The following CXorf65 variants were observed in gnomAD, a reference collection of about 807,000 sequenced individuals.
CXorf65 encodes uncharacterized protein CXorf65.
For synonymous variants in CXorf65, 54 were observed against 51.4 expected, an observed-to-expected ratio of 1.05 and a Z score of -0.21; for missense variants, 137 against 144.7, an observed-to-expected ratio of 0.95 and a Z score of 0.27.
chrX:71,106,267 G>T (rs1384160929), intron 2 of CXorf65, 73 bp downstream of exon 2: 1 of 1,090,281 alleles, frequency 9.2e-7, no homozygotes. Context: ...TTGCCAGGAG[G>T]AGGGCTTGGG....
At chrX:71,105,087 C>A (rs758696221) in intron 3 of CXorf65, among the ~76,000 whole-genome samples, 1 of 109,584 alleles carries the variant, frequency 9.1e-6, no homozygotes, top group African/African-American at 3.3e-5. Flanking sequence ...TACAAACAAA[C>A]AAAAAAAATT....
At chrX:71,104,662 T>C in intron 4 of CXorf65, 107 bp downstream of exon 4, 1 of 812,587 alleles carries the variant, frequency 1.2e-6, no homozygotes, top group Non-Finnish European at 1.8e-6. Context: ...TTTCCTAGGC[T>C]CCTATCATCT....
At chrX:71,104,510 A>G (rs1420387715) in intron 4 of CXorf65, 106 bp from the exon 5 acceptor site, 3 of 582,005 alleles carry the variant, frequency 5.2e-6, no homozygotes, top group Non-Finnish European at 5.3e-6. Flanking sequence ...CACTTGGCCT[A>G]AGATGGAAAT....
Position 71,106,145 on chromosome X carries a change from G to T in CXorf65, c.113-8C>A. 1 of 1,209,226 alleles carries T rather than the reference G, an allele frequency of 8.3e-7. No homozygotes were observed. The highest frequency in any genetic ancestry group is 1.7e-5 in the African/African-American group (1 of 57,660). On this transcript the variant is annotated splice_polypyrimidine_tract_variant and splice_region_variant and intron_variant, in intron 2 of 5. Transcript: ENST00000374251. Reference sequence around the variant, plus strand: ...CACACAAATCGATGGTGTCTGGAGGGAGATCACAGGGTAATTGGGGCAGCT... The same window carrying T: ...CACACAAATCGATGGTGTCTGGAGGTAGATCACAGGGTAATTGGGGCAGCT...
rs1239422605 is a variant in CXorf65 at position 71,103,993 on chromosome X, C to G, written c.546G>C (p.Lys182Asn). 1 of 1,206,685 alleles carries G rather than the reference C, an allele frequency of 8.3e-7. No individual in the cohort carries two copies. Among genetic ancestry groups the G allele is most frequent in the African/African-American group, 1.8e-5 (1 of 56,579 alleles). Residue 182 changes from lysine (K) to asparagine (N), a missense_variant, in exon 6 of 6, where the codon AAG (lysine) becomes AAC (asparagine). Coordinates refer to ENST00000374251, the MANE Select transcript of CXorf65 (RefSeq NM_001025265.3). Reference sequence around the variant, plus strand: ...AGTAATTTCACACCTAGTATTACTTCTTTTGCTTGGTGGTTTTATTGAGTT... The same window carrying G: ...AGTAATTTCACACCTAGTATTACTTGTTTTGCTTGGTGGTTTTATTGAGTT... ...GRQLNKTTKQ[K>N]K
At position 71,106,152 on chromosome X, in the gene CXorf65, C is replaced by G. The variant is rs1435288841; in HGVS notation, c.113-15G>C. 1 of 1,208,056 alleles carries G rather than the reference C, an allele frequency of 8.3e-7. No homozygotes were observed. The highest frequency in any genetic ancestry group is 3.0e-5 in the East Asian group (1 of 33,806). ...ATCGATGGTGTCTGGAGGGAGATCACAGGGTAATTGGGGCAGCTAAGGAAA... is the reference window on the plus strand; with the variant it reads ...ATCGATGGTGTCTGGAGGGAGATCAGAGGGTAATTGGGGCAGCTAAGGAAA... On this transcript the variant is annotated splice_polypyrimidine_tract_variant and intron_variant, in intron 2 of 5. Coordinates refer to ENST00000374251, the MANE Select transcript of CXorf65 (RefSeq NM_001025265.3).
chrX:71,104,000 T>C lies in CXorf65; in HGVS notation c.539A>G (p.Lys180Arg). 8.3e-7 allele frequency: 1 copy of C among 1,209,621 alleles called. No individual in the cohort carries two copies. The highest frequency in any genetic ancestry group is 1.1e-6 in the Non-Finnish European group (1 of 894,229). Residue 180 changes from lysine to arginine, a missense_variant, in exon 6 of 6, where the codon AAG becomes AGG. Coordinates refer to ENST00000374251, the MANE Select transcript of CXorf65 (RefSeq NM_001025265.3). ...TCACACCTAGTATTACTTCTTTTGC[T>C]TGGTGGTTTTATTGAGTTGGCGACC... ...NKGRQLNKTT[K>R]QKK
Position 71,106,740 on chromosome X carries a change from T to G in CXorf65, c.-184A>C. On this transcript the variant is annotated 5_prime_UTR_variant, in exon 1 of 6. Transcript: ENST00000374251. ...GGAGAGAGCTGTTGATAGTTGTGGA[T>G]AACCAGTATCCCCAGGGGTGGGGCC... is the stretch of plus-strand genomic sequence containing the variant. The G allele has an allele frequency of 9.3e-7, 1 of 1,079,398 alleles. No homozygotes were observed. Among genetic ancestry groups the G allele is most frequent in the Non-Finnish European group, 1.2e-6 (1 of 821,767 alleles). The allele number at this position is 1,079,398 out of a possible 1,213,427, so 89.0% of individuals were successfully genotyped here. A position where few individuals can be genotyped will look rare whatever the true frequency, so the allele number is the denominator to read the frequency against.
Position 71,104,857 on chromosome X carries a change from C to T in CXorf65, c.251-20G>A, listed in dbSNP as rs1569479411. ...TGGTTCCTGTGAACATAGCCATGTG[C>T]TATCTCCAGCCCCTGTCATCCAGTC... is the stretch of plus-strand genomic sequence containing the variant. On this transcript the variant is annotated intron_variant, in intron 3 of 5. Transcript: ENST00000374251. 12 of 1,189,126 alleles carry T rather than the reference C, an allele frequency of 1.0e-5. No homozygotes were observed. In the Admixed American group the frequency reaches 2.6e-4, roughly 26 times the overall value.
intron 3 of CXorf65, 35 bp downstream of exon 3, chrX:71,105,965 T>C: frequency 8.4e-7 from 1 of 1,193,600 alleles, no homozygotes; most frequent in Non-Finnish European, 1.1e-6. Context: ...TTGAAGGCCT[T>C]ATTCTATTTC....
intron 3 of CXorf65, 47 bp from the exon 4 acceptor site, chrX:71,104,884 C>T: frequency 8.9e-7 from 1 of 1,122,848 alleles, no homozygotes; most frequent in Non-Finnish European, 1.2e-6. Context: ...CATCCAGTCT[C>T]CACCCTTCAG....
At position 71,103,953 on chromosome X, in the gene CXorf65, C is replaced by CTCACGTTAAATTCCAGTAATT. The variant is rs748536982; in HGVS notation, c.*13_*33dup. On this transcript the variant is annotated 3_prime_UTR_variant, in exon 6 of 6. Coordinates refer to ENST00000374251, the MANE Select transcript of CXorf65 (RefSeq NM_001025265.3). The stretch of plus-strand genomic sequence containing the variant: ...AAGGAGTCTTTCTAGAAAAAGAAAT[C>CTCACGTTAAATTCCAGTAATT]TCACGTTAAATTCCAGTAATTTCAC... 1.4e-5 allele frequency: 17 copies of CTCACGTTAAATTCCAGTAATT among 1,196,112 alleles called. No homozygotes were observed. In the South Asian group the frequency reaches 3.0e-4, roughly 21 times the overall value.
At chrX:71,106,259 G>T (rs2092248636) in intron 2 of CXorf65, 81 bp downstream of exon 2, 3 of 1,089,829 alleles carry the variant, frequency 2.8e-6, no homozygotes, top group Admixed American at 4.4e-5. Flanking sequence ...CTCCCTTCTT[G>T]CCAGGAGGAG....
chrX:71,104,951 C>A, intron 3 of CXorf65, 114 bp from the exon 4 acceptor site: 1 of 653,393 alleles, frequency 1.5e-6, no homozygotes, highest in Non-Finnish European at 2.4e-6. Context: ...CGGTGGCTCA[C>A]GCCTGTAATC....
chrX:71,105,237 C>T (rs1253216882), intron 3 of CXorf65, among the ~76,000 whole-genome samples: 1 of 107,662 alleles, frequency 9.3e-6, no homozygotes, highest in African/African-American at 3.4e-5. Context: ...AGCAAGACTC[C>T]ATCACAAAAA....
At chrX:71,106,209 A>C (rs760861413) in intron 2 of CXorf65, 72 bp from the exon 3 acceptor site, 36 of 1,141,178 alleles carry the variant, frequency 3.2e-5, no homozygotes, top group Non-Finnish European at 4.3e-5. Flanking sequence ...CAGTGATCCT[A>C]TACAAAATGG....
In CXorf65 at chrX:71,106,568, C is replaced by G; in HGVS notation, c.-12G>C. On this transcript the variant is annotated 5_prime_UTR_variant, in exon 1 of 6. Transcript: ENST00000374251. ...ATGAAGATGAACATGCCCTCAAGAT[C>G]GCCTCACTCTTCACAAAGTGCCCTG... 8.3e-7 allele frequency: 1 copy of G among 1,210,894 alleles called. No homozygotes were observed. The highest frequency in any genetic ancestry group is 1.1e-6 in the Non-Finnish European group (1 of 895,406).
At chrX:71,106,253 C>T in intron 2 of CXorf65, 87 bp downstream of exon 2, 1 of 1,103,630 alleles carries the variant, frequency 9.1e-7, no homozygotes, top group Non-Finnish European at 1.3e-6. Flanking sequence ...GAGGAACTCC[C>T]TTCTTGCCAG....
intron 3 of CXorf65, 37 bp from the exon 4 acceptor site, chrX:71,104,874 C>T: frequency 8.8e-7 from 1 of 1,141,112 alleles, no homozygotes; most frequent in Non-Finnish European, 1.2e-6. Context: ...CAGCCCCTGT[C>T]ATCCAGTCTC....
Sources: allele counts gnomAD v4.1 joint callset (sites outside exome capture counted in the v4.1 genomes callset), GRCh38; gene constraint gnomAD v4.1.1; transcripts MANE v1.5; gene names NCBI Gene and HGNC (gene_info 2026-07-23, HGNC 2026-07-21).